TRIM24: variants seen among roughly 807,000 people sequenced by gnomAD.
TRIM24 encodes transcription intermediary factor 1-alpha.
In TRIM24, 29 loss-of-function variants were observed where a neutral mutation model predicts 123.9. The ratio of observed to expected loss-of-function variants is 0.23; its 90% CI spans 0.17 to 0.32. The LOEUF is 0.32. TRIM24 is among the 10% of genes least tolerant of loss of function. The pLI, the probability that TRIM24 is intolerant of heterozygous loss-of-function variation, is 1.00. For synonymous variants in TRIM24, 456 were observed against 461.1 expected, an observed-to-expected ratio of 0.99 and a Z score of 0.14; for missense variants, 932 against 1,295.3, an observed-to-expected ratio of 0.72 and a Z score of 4.31.
At position 138,577,691 on chromosome 7, in the gene TRIM24, G is replaced by A; in HGVS notation, c.2256+103G>A. ...TTTTTTTTTAATGTTATATTTAAAA[G>A]GATTTAAAGACAATTTGAGGGAATC... is the stretch of plus-strand genomic sequence containing the variant. On this transcript the variant is annotated intron_variant, in intron 14 of 18. Coordinates refer to ENST00000343526, the MANE Select transcript of TRIM24 (RefSeq NM_015905.3). 1.8e-5 allele frequency: 17 copies of A among 958,426 alleles called. No individual in the cohort carries two copies. The South Asian group carries it at 2.1e-4, about 12-fold the overall frequency. The allele number at this position is 958,426 out of a possible 1,614,324, so 59.4% of individuals were successfully genotyped here.
intron 2 of TRIM24, among the ~76,000 whole-genome samples, chr7:138,509,224 C>T (rs1026662278): frequency 9.9e-5 from 15 of 151,636 alleles, no homozygotes; most frequent in Non-Finnish European, 1.9e-4. Context: ...GCTGGGATTA[C>T]AAGTGTGAGC....
intron 2 of TRIM24, among the ~76,000 whole-genome samples, chr7:138,507,158 A>G (rs1167066278): frequency 6.6e-6 from 1 of 152,038 alleles, no homozygotes; most frequent in East Asian, 1.9e-4. Flanking sequence ...TCATAGCTGG[A>G]GATTTTGAAA....
intron 6 of TRIM24, among the ~76,000 whole-genome samples, chr7:138,537,299 G>C (rs751138058): frequency 6.6e-6 from 1 of 150,456 alleles, no homozygotes; most frequent in Non-Finnish European, 1.5e-5. Context: ...CCCATCTTCT[G>C]CGTCACTCAC....
intron 2 of TRIM24, among the ~76,000 whole-genome samples, chr7:138,511,713 G>A (rs1260693461): frequency 1.3e-5 from 2 of 152,114 alleles, no homozygotes; most frequent in Non-Finnish European, 2.9e-5. Context: ...CAGCATTGGG[G>A]ATTACAATTC....
rs560432343 is a variant in TRIM24 at position 138,586,218 on chromosome 7, A to T, written c.*1267A>T. On this transcript the variant is annotated 3_prime_UTR_variant, in exon 19 of 19. Coordinates refer to ENST00000343526, the MANE Select transcript of TRIM24 (RefSeq NM_015905.3). Reference sequence around the variant, plus strand: ...AGATAGAAGAAAATTGCTGTGCCATACATTAATCCAGCATTTGACACAATA... The same window carrying T: ...AGATAGAAGAAAATTGCTGTGCCATTCATTAATCCAGCATTTGACACAATA... 2 of 206,624 alleles carry T rather than the reference A, an allele frequency of 9.7e-6. No homozygotes were observed. Among genetic ancestry groups the T allele is most frequent in the African/African-American group, 4.7e-5 (2 of 43,000 alleles). The allele number at this position is 206,624 out of a possible 1,614,324, so 12.8% of individuals were successfully genotyped here.
chr7:138,538,668 G>A lies in TRIM24; in HGVS notation c.1008G>A (p.Lys336=). Residue 336 remains lysine, a synonymous_variant, in exon 7 of 19, where the codon AAG becomes AAA. Coordinates refer to ENST00000343526, the MANE Select transcript of TRIM24 (RefSeq NM_015905.3). ...ALLHQLESLA[K]DHRMKLMQQQ... ...TTTCTTGTTTTCAGAGCCTTGCAAA[G>A]GACCATCGCATGAAACTTATGCAAC... The A allele has an allele frequency of 1.9e-6, 3 of 1,613,978 alleles. No individual in the cohort carries two copies. The highest frequency in any genetic ancestry group is 2.2e-5 in the East Asian group (1 of 44,872).
intron 1 of TRIM24, among the ~76,000 whole-genome samples, chr7:138,469,977 C>G (rs1328055502): frequency 6.6e-6 from 1 of 152,034 alleles, no homozygotes; most frequent in Admixed American, 6.6e-5. Flanking sequence ...ATGTGGACCC[C>G]CATTTGCCTG....
intron 2 of TRIM24, among the ~76,000 whole-genome samples, chr7:138,505,264 C>T (rs1347918717): frequency 6.6e-6 from 1 of 152,174 alleles, no homozygotes; most frequent in Non-Finnish European, 1.5e-5. Flanking sequence ...TTCCAGTCTC[C>T]TCCAGAGAAA....
intron 6 of TRIM24, among the ~76,000 whole-genome samples, chr7:138,531,702 G>A (rs913862979): frequency 2.6e-5 from 4 of 152,158 alleles, no homozygotes; most frequent in Admixed American, 2.6e-4. Flanking sequence ...CTTTATAGCA[G>A]CATGATTTAT....
chr7:138,490,390 C>T (rs1050163659), intron 1 of TRIM24, among the ~76,000 whole-genome samples: 4 of 152,148 alleles, frequency 2.6e-5, no homozygotes, highest in Admixed American at 6.6e-5. Context: ...AGCTTTGTTC[C>T]GTTGCTGGCG....
intron 10 of TRIM24, among the ~76,000 whole-genome samples, chr7:138,570,484 A>AATGT (rs1394619626): frequency 2.0e-5 from 3 of 152,294 alleles, no homozygotes; most frequent in African/African-American, 7.2e-5. Context: ...GGATAGAAGA[A>AATGT]ATGTATGTTT....
chr7:138,535,953 C>A (rs150173084), intron 6 of TRIM24, among the ~76,000 whole-genome samples: 1 of 152,078 alleles, frequency 6.6e-6, no homozygotes, highest in Non-Finnish European at 1.5e-5. Flanking sequence ...CTTCTTGCTT[C>A]GTTTCATTCA....
At chr7:138,467,552 A>G (rs1795172070) in intron 1 of TRIM24, among the ~76,000 whole-genome samples, 3 of 152,266 alleles carry the variant, frequency 2.0e-5, no homozygotes, top group South Asian at 4.1e-4. Flanking sequence ...CATGTTGGCC[A>G]GGATGGTCTC....
chr7:138,482,583 T>A (rs1033112816), intron 1 of TRIM24, among the ~76,000 whole-genome samples: 4 of 152,196 alleles, frequency 2.6e-5, no homozygotes, highest in Admixed American at 2.6e-4. Context: ...CACAAAAGGA[T>A]CTTATGCTTT....
At chr7:138,490,299 C>G (rs1448799395) in intron 1 of TRIM24, among the ~76,000 whole-genome samples, 1 of 152,112 alleles carries the variant, frequency 6.6e-6, no homozygotes, top group Non-Finnish European at 1.5e-5. Flanking sequence ...GTTTGAACAT[C>G]CTCCTTTAGC....
At chr7:138,473,820 C>G (rs1006834497) in intron 1 of TRIM24, among the ~76,000 whole-genome samples, 2 of 152,138 alleles carry the variant, frequency 1.3e-5, no homozygotes, top group Admixed American at 1.3e-4. Context: ...CAATAGAAAC[C>G]TCTTAAAGTT....
chr7:138,537,280 C>G (rs938239643), intron 6 of TRIM24, among the ~76,000 whole-genome samples: 15 of 150,944 alleles, frequency 9.9e-5, no homozygotes, highest in African/African-American at 3.7e-4. Flanking sequence ...GTTGGAAATG[C>G]AGAAATCACC....
intron 2 of TRIM24, among the ~76,000 whole-genome samples, chr7:138,514,192 A>AT (rs745335645): frequency 1.3e-5 from 2 of 152,124 alleles, no homozygotes; most frequent in Non-Finnish European, 2.9e-5. Flanking sequence ...GTGGAAAAAA[A>AT]TTTTACTGTC....
At position 138,462,459 on chromosome 7, in the gene TRIM24, G is replaced by A. The variant is rs374865399; in HGVS notation, c.364+1547G>A. Among the ~76,000 whole-genome samples the A allele has an allele frequency of 4.0e-5, 6 of 150,058 alleles. No homozygotes were observed. In the East Asian group the frequency reaches 9.9e-4, roughly 25 times the overall value. On this transcript the variant is annotated intron_variant, in intron 1 of 18. Coordinates refer to ENST00000343526, the MANE Select transcript of TRIM24 (RefSeq NM_015905.3). ...GGGTTCACGCCATTCTCCTGCCTCA[G>A]CCTCCCGAGTAGCTGGGACTACAGG...
Sources: gnomAD v4.1 joint callset for allele counts (sites outside exome capture counted in the v4.1 genomes callset) on GRCh38, gnomAD v4.1.1 for gene constraint, MANE v1.5 for transcripts, NCBI Gene and HGNC (gene_info 2026-07-23, HGNC 2026-07-21) for gene names.